EDEM1: variants seen among roughly 807,000 people sequenced by gnomAD.
The protein encoded by EDEM1 is ER degradation enhancing alpha-mannosidase like protein 1.
Under a neutral mutation model 74.4 loss-of-function variants are expected in EDEM1, and 67 were observed. That is an observed-to-expected ratio of 0.90 (90% CI 0.74 to 1.10). The LOEUF (loss-of-function observed/expected upper bound fraction) is 1.10, where lower values mean the gene tolerates loss of function less well. EDEM1 is among the 50% of genes least tolerant of loss of function. EDEM1 has a pLI of 0.00. For missense variants in EDEM1, 926 were observed against 851.6 expected, an observed-to-expected ratio of 1.09 and a Z score of -1.09; for synonymous variants, 382 against 335.9, an observed-to-expected ratio of 1.14 and a Z score of -1.50.
At chr3:5,189,843 C>T (rs1438178848) in intron 1 of EDEM1, among the ~76,000 whole-genome samples, 1 of 152,266 alleles carries the variant, frequency 6.6e-6, no homozygotes, top group African/African-American at 2.4e-5. Context: ...TCGTGATCCA[C>T]CCGCCTGGGC....
rs186655951 is a variant in EDEM1, at chr3:5,204,298, G to A, written c.1043-769G>A. Among the ~76,000 whole-genome samples the A allele has an allele frequency of 1.4e-3, 208 of 151,804 alleles. 1 individual carries two copies. The highest frequency in any genetic ancestry group is 4.9e-3 in the African/African-American group (203 of 41,396). On this transcript the variant is annotated intron_variant, in intron 5 of 11. Transcript: ENST00000256497. ...ACATTTGGCAGATCATTTGTTTCCA[G>A]GTTGTTGCCTTGCATTCATAATGAC... is the stretch of plus-strand genomic sequence containing the variant.
intron 10 of EDEM1, among the ~76,000 whole-genome samples, chr3:5,212,528 G>A (rs530299236): frequency 2.0e-5 from 3 of 152,370 alleles, no homozygotes; most frequent in African/African-American, 7.2e-5. Flanking sequence ...AGAGTCTGGG[G>A]AGAGGAAAAC....
chr3:5,211,004 T>G, intron 9 of EDEM1, 116 bp from the exon 10 acceptor site: 2 of 918,672 alleles, frequency 2.2e-6, no homozygotes, highest in Non-Finnish European at 3.4e-6. Context: ...AAACATAGTT[T>G]CATATGGTGT....
In EDEM1 at chr3:5,187,938, C is replaced by A. The variant is rs573802157; in HGVS notation, c.133C>A (p.Arg45Ser). 3 of 1,584,076 alleles carry A rather than the reference C, an allele frequency of 1.9e-6. No individual in the cohort carries two copies. The highest frequency in any genetic ancestry group is 1.4e-5 in the African/African-American group (1 of 73,366). The change falls in exon 1 of 12, where the codon CGT (arginine) becomes AGT (serine). Residue 45 changes from arginine (R) to serine (S), a missense_variant. Physicochemically the swap from Arg to Ser is moderately radical, Grantham distance 110. Coordinates refer to ENST00000256497, the MANE Select transcript of EDEM1 (RefSeq NM_014674.3). Reference sequence around the variant, plus strand: ...CTTTCCGCTCAGCTTCGGCTTCCAGCGTCTGAGGAGCCCCGACGGCCCCGC... The same window carrying A: ...CTTTCCGCTCAGCTTCGGCTTCCAGAGTCTGAGGAGCCCCGACGGCCCCGC... ...QRFPLSFGFQRLRSPDGPASP... is the reference protein window; with the variant it reads ...QRFPLSFGFQSLRSPDGPASP...
chr3:5,206,185 G>T (rs1295543861), intron 6 of EDEM1, among the ~76,000 whole-genome samples: 2 of 151,146 alleles, frequency 1.3e-5, no homozygotes, highest in Non-Finnish European at 2.9e-5. Context: ...CTTCTACGTA[G>T]TGTCACTCTC....
In EDEM1 at chr3:5,218,021, C is replaced by T. The variant is rs540317487; in HGVS notation, c.*2103C>T. The T allele has an allele frequency of 6.6e-6, 1 of 152,366 alleles. No homozygotes were observed. The highest frequency in any genetic ancestry group is 1.9e-4 in the East Asian group (1 of 5,180). 9.4% of individuals were successfully genotyped at this position (152,366 alleles called of 1,614,324 possible). The stretch of plus-strand genomic sequence containing the variant: ...GTGTTCTCTTAATGAGGCACTTTGC[C>T]TGTCACTCGAGCAAGCCTGGGTGTT... On this transcript the variant is annotated 3_prime_UTR_variant, in exon 12 of 12. Transcript: ENST00000256497.
rs778007196 is a variant in EDEM1 at position 5,208,078 on chromosome 3, G to C, written c.1339-15G>C. The C allele has an allele frequency of 1.3e-6, 2 of 1,585,114 alleles. No individual in the cohort carries two copies. The highest frequency in any genetic ancestry group is 1.7e-6 in the Non-Finnish European group (2 of 1,169,240). On this transcript the variant is annotated splice_polypyrimidine_tract_variant and intron_variant, in intron 7 of 11. Coordinates refer to ENST00000256497, the MANE Select transcript of EDEM1 (RefSeq NM_014674.3). ...GAATGGTATCTCAGCCTGATGACCT[G>C]TGTCCTCTCCTTAGGTGCTGATAGG... is the stretch of plus-strand genomic sequence containing the variant.
intron 7 of EDEM1, among the ~76,000 whole-genome samples, chr3:5,207,498 A>AT (rs1396381244): frequency 5.3e-5 from 8 of 151,936 alleles, no homozygotes; most frequent in Admixed American, 1.3e-4. Context: ...ACTGTGTGTG[A>AT]TTTTTGTTTT....
At position 5,188,329 on chromosome 3, in the gene EDEM1, C is replaced by T. The variant is rs746405869; in HGVS notation, c.509+15C>T. Reference sequence around the variant, plus strand: ...CGCGGGGACCCGTGAGTAGCCCCCGCCGCCCGGGGCCGCGCGCCCACGCGC... The same window carrying T: ...CGCGGGGACCCGTGAGTAGCCCCCGTCGCCCGGGGCCGCGCGCCCACGCGC... On this transcript the variant is annotated intron_variant, in intron 1 of 11. Coordinates refer to ENST00000256497, the MANE Select transcript of EDEM1 (RefSeq NM_014674.3). 7.1e-7 allele frequency: 1 copy of T among 1,413,484 alleles called. No homozygotes were observed. The highest frequency in any genetic ancestry group is 3.0e-5 in the East Asian group (1 of 33,748). 87.6% of individuals were successfully genotyped at this position (1,413,484 alleles called of 1,614,324 possible).
At chr3:5,189,000 C>G (rs986024057) in intron 1 of EDEM1, among the ~76,000 whole-genome samples, 1 of 152,178 alleles carries the variant, frequency 6.6e-6, no homozygotes, top group Non-Finnish European at 1.5e-5. Context: ...CCTGTACGAT[C>G]TGTCTATAAA....
chr3:5,198,374 G>A (rs888080439), intron 2 of EDEM1, among the ~76,000 whole-genome samples: 4 of 152,228 alleles, frequency 2.6e-5, no homozygotes, highest in African/African-American at 4.8e-5. Context: ...AGCCTTTCAC[G>A]GAATATACAG....
chr3:5,205,903 G>A (rs184171964), intron 6 of EDEM1, among the ~76,000 whole-genome samples: 108 of 152,162 alleles, frequency 7.1e-4, no homozygotes, highest in African/African-American at 2.4e-3. Context: ...GGAGGTTCTC[G>A]GGGGCCGTCT....
In EDEM1 at chr3:5,217,940, G is replaced by C. The variant is rs147733046; in HGVS notation, c.*2022G>C. ...CTTCCTGCCTGTGATTTCTCTTGGC[G>C]CTCCCCTCCTCTCCCGCTCTGGCTT... On this transcript the variant is annotated 3_prime_UTR_variant, in exon 12 of 12. Coordinates refer to ENST00000256497, the MANE Select transcript of EDEM1 (RefSeq NM_014674.3). 1 of 152,174 alleles carries C rather than the reference G, an allele frequency of 6.6e-6. No homozygotes were observed. The highest frequency in any genetic ancestry group is 2.4e-5 in the African/African-American group (1 of 41,428). 9.4% of individuals were successfully genotyped at this position (152,174 alleles called of 1,614,324 possible).
chr3:5,188,350 C>T lies in EDEM1; in HGVS notation c.509+36C>T, dbSNP rs3732712. 1.5e-4 allele frequency: 203 copies of T among 1,381,920 alleles called. No homozygotes were observed. In the East Asian group the frequency reaches 6.1e-3, roughly 41 times the overall value. The allele number at this position is 1,381,920 out of a possible 1,614,324, so 85.6% of individuals were successfully genotyped here. A position where few individuals can be genotyped will look rare whatever the true frequency, so the allele number is the denominator to read the frequency against. ...CCCGCCGCCCGGGGCCGCGCGCCCA[C>T]GCGCTTCCTTCCGCCCTCCGCGCCG... On this transcript the variant is annotated intron_variant, in intron 1 of 11. Coordinates refer to ENST00000256497, the MANE Select transcript of EDEM1 (RefSeq NM_014674.3).
intron 8 of EDEM1, among the ~76,000 whole-genome samples, chr3:5,208,751 G>T (rs553892192): frequency 6.7e-6 from 1 of 149,688 alleles, no homozygotes; most frequent in African/African-American, 2.5e-5. Flanking sequence ...GTTTGTGTGT[G>T]TGTGTGTGTA....
chr3:5,197,748 C>T (rs2054986908), intron 2 of EDEM1, among the ~76,000 whole-genome samples: 1 of 152,214 alleles, frequency 6.6e-6, no homozygotes. Context: ...AGATAGCAGT[C>T]CCCTGACCAT....
At chr3:5,194,703 A>G (rs2054941617) in intron 1 of EDEM1, among the ~76,000 whole-genome samples, 1 of 152,236 alleles carries the variant, frequency 6.6e-6, no homozygotes, top group Non-Finnish European at 1.5e-5. Flanking sequence ...TAAAGAAGTT[A>G]ATTTATACCC....
At chr3:5,207,336 CTTTCTT>C in intron 7 of EDEM1, 63 bp downstream of exon 7, 1 of 1,596,990 alleles carries the variant, frequency 6.3e-7, no homozygotes, top group Non-Finnish European at 8.5e-7. Flanking sequence ...CCCTCCTTTT[CTTTCTT>C]TTTTAATACC....
rs1271865128 is a variant in EDEM1, at chr3:5,187,981, C to T, written c.176C>T (p.Pro59Leu). ...GGCCCCGCGTCGCCCACCTCGGGGC[C>T]CGTGGGCCGGCCTGGGGGGGTATCC... ...PDGPASPTSG[P>L]VGRPGGVSGP... The change falls in exon 1 of 12, where the codon CCC becomes CTC. Residue 59 changes from proline (P) to leucine (L), a missense_variant. Transcript: ENST00000256497. The T allele has an allele frequency of 5.8e-6, 9 of 1,539,908 alleles. No individual in the cohort carries two copies. The highest frequency in any genetic ancestry group is 2.0e-5 in the Admixed American group (1 of 50,306).
Sources: gnomAD v4.1 joint callset for allele counts (sites outside exome capture counted in the v4.1 genomes callset) on GRCh38, gnomAD v4.1.1 for gene constraint, MANE v1.5 for transcripts, NCBI Gene and HGNC (gene_info 2026-07-23, HGNC 2026-07-21) for gene names.